The following RAP2A variants were observed in gnomAD, a reference collection of about 807,000 sequenced individuals.
RAP2A encodes ras-related protein Rap-2a.
Under a neutral mutation model 15.1 loss-of-function variants are expected in RAP2A, and 5 were observed. That is an observed-to-expected ratio of 0.33 (90% CI 0.17 to 0.70). The LOEUF is 0.70. RAP2A is among the 30% of genes least tolerant of loss of function. The probability of loss-of-function intolerance (pLI) is 0.68; values close to 1 mark genes in which losing one functional copy is unlikely to be tolerated. For missense variants in RAP2A, 111 were observed against 240.3 expected, an observed-to-expected ratio of 0.46 and a Z score of 3.56; for synonymous variants, 110 against 99.7, an observed-to-expected ratio of 1.10 and a Z score of -0.62.
At chr13:97,463,220 T>G (rs1390221057) in intron 1 of RAP2A, among the ~76,000 whole-genome samples, 1 of 152,208 alleles carries the variant, frequency 6.6e-6, no homozygotes, top group Non-Finnish European at 1.5e-5. Flanking sequence ...TAAAGAAGAA[T>G]AGTAAATAAA....
At chr13:97,444,388 G>GTAGCA (rs1289208534) in intron 1 of RAP2A, among the ~76,000 whole-genome samples, 2 of 152,194 alleles carry the variant, frequency 1.3e-5, no homozygotes, top group Non-Finnish European at 2.9e-5. Context: ...AATAATGACA[G>GTAGCA]TAGACCTCTT....
rs556232099 is a variant in RAP2A at position 97,454,102 on chromosome 13, C to A, written c.315-10103C>A. Among the ~76,000 whole-genome samples, 35 of 151,238 alleles carry A rather than the reference C, an allele frequency of 2.3e-4. No homozygotes were observed. In the South Asian group the frequency reaches 6.7e-3, roughly 29 times the overall value. On this transcript the variant is annotated intron_variant, in intron 1 of 1. Coordinates refer to ENST00000245304, the MANE Select transcript of RAP2A (RefSeq NM_021033.7). ...CCAAGTCTGTAGTTTGTCCTTTTAT[C>A]CTCTCAGGTCTTTCACAGAGCAAAA...
intron 1 of RAP2A, among the ~76,000 whole-genome samples, chr13:97,463,996 C>A (rs1343828035): frequency 6.6e-6 from 1 of 152,158 alleles, no homozygotes; most frequent in Non-Finnish European, 1.5e-5. Context: ...ATTAAAACAT[C>A]ATTTCATAAA....
intron 1 of RAP2A, among the ~76,000 whole-genome samples, chr13:97,447,972 T>G (rs1447696488): frequency 3.0e-5 from 4 of 134,634 alleles, no homozygotes; most frequent in Non-Finnish European, 6.2e-5. Context: ...AGTTCTTGGG[T>G]TTTTTTTTTT....
At chr13:97,457,503 A>AC (rs2066728110) in intron 1 of RAP2A, among the ~76,000 whole-genome samples, 1 of 152,088 alleles carries the variant, frequency 6.6e-6, no homozygotes, top group African/African-American at 2.4e-5. Flanking sequence ...AATTGAGGCT[A>AC]CTAAATATAA....
chr13:97,442,886 A>C (rs1204190329), intron 1 of RAP2A, among the ~76,000 whole-genome samples: 1 of 152,238 alleles, frequency 6.6e-6, no homozygotes, highest in Non-Finnish European at 1.5e-5. Flanking sequence ...GCATTTAGTC[A>C]CTGAACAAAA....
intron 1 of RAP2A, among the ~76,000 whole-genome samples, chr13:97,460,209 C>T (rs2066740523): frequency 6.6e-6 from 1 of 152,124 alleles, no homozygotes; most frequent in African/African-American, 2.4e-5. Flanking sequence ...CATAAGATTT[C>T]CCCCAACATT....
intron 1 of RAP2A, among the ~76,000 whole-genome samples, chr13:97,439,096 T>C (rs2066646152): frequency 6.6e-6 from 1 of 152,114 alleles, no homozygotes. Context: ...AGGAAATGCA[T>C]AGAATATGTT....
chr13:97,439,602 C>T (rs2066647984), intron 1 of RAP2A, among the ~76,000 whole-genome samples: 1 of 152,088 alleles, frequency 6.6e-6, no homozygotes, highest in Admixed American at 6.6e-5. Context: ...GTAATTAGAA[C>T]ATTTGAATAA....
chr13:97,453,272 A>C (rs918691172), intron 1 of RAP2A, among the ~76,000 whole-genome samples: 2 of 151,270 alleles, frequency 1.3e-5, no homozygotes, highest in African/African-American at 2.4e-5. Context: ...GCAAAACTGT[A>C]GTACAATATC....
At chr13:97,464,073 G>A in intron 1 of RAP2A, 132 bp from the exon 2 acceptor site, 1 of 775,544 alleles carries the variant, frequency 1.3e-6, no homozygotes, top group Non-Finnish European at 2.1e-6. Context: ...AAGCCAAGTG[G>A]TACAAATCAT....
At chr13:97,462,453 TCTCA>T (rs1321193307) in intron 1 of RAP2A, among the ~76,000 whole-genome samples, 2 of 152,192 alleles carry the variant, frequency 1.3e-5, no homozygotes, top group Non-Finnish European at 2.9e-5. Flanking sequence ...GCAGCTTTAT[TCTCA>T]CTGCCACTTG....
chr13:97,441,975 A>G, intron 1 of RAP2A: 1 of 202,888 alleles, frequency 4.9e-6, no homozygotes, highest in South Asian at 6.2e-5. Flanking sequence ...TTGCCATTTC[A>G]TTTGTTACTT....
chr13:97,434,523 C>T lies in RAP2A; in HGVS notation c.53C>T (p.Ala18Val). The T allele has an allele frequency of 6.2e-7, 1 of 1,613,808 alleles. No homozygotes were observed. Among genetic ancestry groups the T allele is most frequent in the Non-Finnish European group, 8.5e-7 (1 of 1,179,900 alleles). ...GGCTCGGGCGGGGTAGGCAAATCCGCCCTGACCGTGCAGTTCGTGACCGGC... is the reference window on the plus strand; with the variant it reads ...GGCTCGGGCGGGGTAGGCAAATCCGTCCTGACCGTGCAGTTCGTGACCGGC... ...VLGSGGVGKS[A>V]LTVQFVTGTF... The change falls in exon 1 of 2, where the codon GCC becomes GTC. Residue 18 changes from alanine to valine, a missense_variant. Ala to Val is a moderately conservative substitution (Grantham distance 64). Transcript: ENST00000245304.
chr13:97,455,695 T>A (rs2066720072), intron 1 of RAP2A, among the ~76,000 whole-genome samples: 1 of 151,480 alleles, frequency 6.6e-6, no homozygotes, highest in South Asian at 2.1e-4. Flanking sequence ...GTTCAGTTCT[T>A]TAACCTTTGT....
At chr13:97,436,887 A>G (rs141400058) in intron 1 of RAP2A, among the ~76,000 whole-genome samples, 1 of 152,314 alleles carries the variant, frequency 6.6e-6, no homozygotes, top group Non-Finnish European at 1.5e-5. Flanking sequence ...GTGTCTTTGT[A>G]ATATGGTAGT....
chr13:97,464,300 A>T lies in RAP2A; in HGVS notation c.410A>T (p.Glu137Val), dbSNP rs200419566. 1 of 1,614,218 alleles carries T rather than the reference A, an allele frequency of 6.2e-7. No individual in the cohort carries two copies. Among genetic ancestry groups the T allele is most frequent in the East Asian group, 2.2e-5 (1 of 44,876 alleles). ...AGCGAAGGCAGAGCCCTTGCTGAAG[A>T]GTGGGGCTGCCCCTTTATGGAAACT... The part of the protein sequence containing the change: ...SSSEGRALAE[E>V]WGCPFMETSA... Residue 137 changes from glutamate to valine, a missense_variant, in exon 2 of 2, where the codon GAG becomes GTG. By Grantham distance (121) the Glu-to-Val change is moderately radical (BLOSUM62 -2). Around this residue, in one of 3 missense-constraint regions of RAP2A, gnomAD observed 74 missense variants for 132.3 expected, o/e 0.56. Transcript: ENST00000245304.
chr13:97,468,602 T>C lies in RAP2A; in HGVS notation c.*4160T>C, dbSNP rs980046329. On this transcript the variant is annotated 3_prime_UTR_variant, in exon 2 of 2. Coordinates refer to ENST00000245304, the MANE Select transcript of RAP2A (RefSeq NM_021033.7). ...AAATCCTCTGGCAGCATTCCACCAG[T>C]TGAGAAGCTTCATTGTTTTAGATTA... The C allele has an allele frequency of 4.6e-5, 7 of 152,244 alleles. No individual in the cohort carries two copies. Among genetic ancestry groups the C allele is most frequent in the African/African-American group, 1.7e-4 (7 of 41,472 alleles). The allele number at this position is 152,244 out of a possible 1,614,324, so 9.4% of individuals were successfully genotyped here. A position where few individuals can be genotyped will look rare whatever the true frequency, so the allele number is the denominator to read the frequency against.
In RAP2A at chr13:97,468,363, G is replaced by C. The variant is rs888208390; in HGVS notation, c.*3921G>C. On this transcript the variant is annotated 3_prime_UTR_variant, in exon 2 of 2. Coordinates refer to ENST00000245304, the MANE Select transcript of RAP2A (RefSeq NM_021033.7). ...GGCCTTCTAGTGATGGCTTGAAGCC[G>C]TCTTTCTGTTTTCAGGTCATGTGGA... 6.6e-6 allele frequency: 1 copy of C among 152,222 alleles called. No homozygotes were observed. The highest frequency in any genetic ancestry group is 2.4e-5 in the African/African-American group (1 of 41,464). 9.4% of individuals were successfully genotyped at this position (152,222 alleles called of 1,614,324 possible).
Sources: gnomAD v4.1 joint callset for allele counts (sites outside exome capture counted in the v4.1 genomes callset) on GRCh38, gnomAD v4.1.1 for gene constraint, gnomAD v4.1.1 regional missense constraint, MANE v1.5 for transcripts, NCBI Gene and HGNC (gene_info 2026-07-23, HGNC 2026-07-21) for gene names.